The following GRM7 variants were observed in gnomAD, a reference collection of about 807,000 sequenced individuals.
GRM7 encodes the protein glutamate metabotropic receptor 7, also known as metabotropic glutamate receptor 7.
In GRM7, 35 loss-of-function variants were observed where a neutral mutation model predicts 84.5. The ratio of observed to expected loss-of-function variants is 0.41; its 90% CI spans 0.32 to 0.55. The LOEUF (loss-of-function observed/expected upper bound fraction) is 0.55. Ranked by LOEUF, GRM7 falls within the 20% of genes least tolerant of loss-of-function variation. GRM7 has a pLI of 0.19. For missense variants in GRM7, 1,003 were observed against 1,194.6 expected, an observed-to-expected ratio of 0.84 and a Z score of 2.36; for synonymous variants, 487 against 455.1, an observed-to-expected ratio of 1.07 and a Z score of -0.89.
At chr3:7,386,060 A>C (rs1694775035) in intron 4 of GRM7, among the ~76,000 whole-genome samples, 1 of 152,226 alleles carries the variant, frequency 6.6e-6, no homozygotes, top group Non-Finnish European at 1.5e-5. Flanking sequence ...TAAAGTATAA[A>C]GGAAAAAACA....
intron 8 of GRM7, among the ~76,000 whole-genome samples, chr3:7,590,810 C>G (rs1023595944): frequency 4.6e-5 from 7 of 152,140 alleles, no homozygotes; most frequent in Admixed American, 1.3e-4. Flanking sequence ...GAGCTCCACC[C>G]CAGTCATGTT....
chr3:7,159,237 A>T (rs1225189655), intron 2 of GRM7, among the ~76,000 whole-genome samples: 3 of 152,192 alleles, frequency 2.0e-5, no homozygotes, highest in African/African-American at 7.2e-5. Flanking sequence ...TTTTCCCCCT[A>T]AATTTTAAAG....
At chr3:7,344,270 G>A (rs1224701283) in intron 4 of GRM7, among the ~76,000 whole-genome samples, 1 of 152,046 alleles carries the variant, frequency 6.6e-6, no homozygotes, top group Non-Finnish European at 1.5e-5. Flanking sequence ...ACAGGACCTA[G>A]TGTGTGTTGT....
intron 1 of GRM7, among the ~76,000 whole-genome samples, chr3:7,133,313 G>A (rs966762563): frequency 1.3e-5 from 2 of 152,154 alleles, no homozygotes; most frequent in African/African-American, 4.8e-5. Context: ...ACAGACCTCC[G>A]GCCCAGTAGT....
At chr3:6,989,008 T>G (rs1160027525) in intron 1 of GRM7, among the ~76,000 whole-genome samples, 1 of 152,206 alleles carries the variant, frequency 6.6e-6, no homozygotes, top group African/African-American at 2.4e-5. Context: ...TCAAACAAAA[T>G]CAGTTTTCTT....
At chr3:7,739,495 G>A (rs1371797200) in intron 9 of GRM7, among the ~76,000 whole-genome samples, 1 of 152,132 alleles carries the variant, frequency 6.6e-6, no homozygotes, top group African/African-American at 2.4e-5. Flanking sequence ...AAGATTTAGT[G>A]AATAAAGAAT....
intron 8 of GRM7, among the ~76,000 whole-genome samples, chr3:7,606,314 A>G (rs1289906557): frequency 1.3e-5 from 2 of 152,122 alleles, no homozygotes; most frequent in Non-Finnish European, 2.9e-5. Context: ...ACCCTCTATG[A>G]AACTTCAAAG....
chr3:7,349,628 G>A lies in GRM7; in HGVS notation c.1033+42976G>A, dbSNP rs144074350. 3.2e-3 allele frequency among the ~76,000 whole-genome samples: 492 copies of A among 152,242 alleles called. 1 individual carries two copies. Among genetic ancestry groups the A allele is most frequent in the African/African-American group, 0.012 (483 of 41,550 alleles). On this transcript the variant is annotated intron_variant, in intron 4 of 9. Transcript: ENST00000357716. Reference sequence around the variant, plus strand: ...ACCATGACTGGGCGCAGCCCCTGGGGAACTTTAGATAGTACCGGGCTGGCC... The same window carrying A: ...ACCATGACTGGGCGCAGCCCCTGGGAAACTTTAGATAGTACCGGGCTGGCC...
chr3:7,057,249 A>G (rs752508372), intron 1 of GRM7, among the ~76,000 whole-genome samples: 3 of 151,858 alleles, frequency 2.0e-5, no homozygotes, highest in Non-Finnish European at 4.4e-5. Context: ...AATGTTGGAG[A>G]AGTTCATTTA....
chr3:7,516,622 G>T (rs1351292364), intron 7 of GRM7, among the ~76,000 whole-genome samples: 1 of 151,948 alleles, frequency 6.6e-6, no homozygotes. Context: ...GATCACTGAA[G>T]GTCCTTGGTG....
intron 1 of GRM7, among the ~76,000 whole-genome samples, chr3:6,931,853 G>A (rs2125045575): frequency 6.6e-6 from 1 of 152,348 alleles, no homozygotes; most frequent in South Asian, 2.1e-4. Context: ...ATGCATTCAA[G>A]TTTGGGGATT....
At chr3:7,012,151 G>A (rs549736076) in intron 1 of GRM7, among the ~76,000 whole-genome samples, 3 of 152,228 alleles carry the variant, frequency 2.0e-5, no homozygotes, top group East Asian at 1.9e-4. Flanking sequence ...AGATCAAATG[G>A]ATTGAGTGCC....
intron 7 of GRM7, among the ~76,000 whole-genome samples, chr3:7,488,362 G>T (rs558422165): frequency 1.4e-4 from 22 of 152,218 alleles, no homozygotes; most frequent in Non-Finnish European, 2.9e-4. Flanking sequence ...GATATGGTTT[G>T]TCTCCATCAA....
At chr3:7,349,475 G>T (rs749155448) in intron 4 of GRM7, among the ~76,000 whole-genome samples, 2 of 152,030 alleles carry the variant, frequency 1.3e-5, no homozygotes, top group Non-Finnish European at 2.9e-5. Flanking sequence ...CCTGAAATTC[G>T]TAGGTACTCA....
At chr3:7,286,428 T>C (rs1699433770) in intron 2 of GRM7, among the ~76,000 whole-genome samples, 1 of 152,204 alleles carries the variant, frequency 6.6e-6, no homozygotes, top group East Asian at 1.9e-4. Context: ...CTGATGCTAA[T>C]GTGAAATGCT....
chr3:7,213,483 C>G (rs1188687317), intron 2 of GRM7, among the ~76,000 whole-genome samples: 1 of 152,134 alleles, frequency 6.6e-6, no homozygotes, highest in South Asian at 2.1e-4. Context: ...TTGACTTGAT[C>G]ATAGTTACGC....
intron 2 of GRM7, among the ~76,000 whole-genome samples, chr3:7,202,923 T>A (rs577459621): frequency 3.3e-5 from 5 of 152,312 alleles, no homozygotes; most frequent in Non-Finnish European, 5.9e-5. Context: ...TTTCAAAATG[T>A]ATTCTTTCAT....
chr3:7,206,827 G>A lies in GRM7; in HGVS notation c.736+60159G>A, dbSNP rs545493769. On this transcript the variant is annotated intron_variant, in intron 2 of 9. Coordinates refer to ENST00000357716, the MANE Select transcript of GRM7 (RefSeq NM_000844.4). The stretch of plus-strand genomic sequence containing the variant: ...CTTCAGCCTTCCCTTATTATTCGAC[G>A]GGTTCTAATGGATGCTTTCTTCTGA... Among the ~76,000 whole-genome samples, 6 of 152,220 alleles carry A rather than the reference G, an allele frequency of 3.9e-5. No homozygotes were observed. The South Asian group carries it at 6.2e-4, about 16-fold the overall frequency.
chr3:7,674,340 C>T (rs1575617343), intron 8 of GRM7, among the ~76,000 whole-genome samples: 2 of 151,904 alleles, frequency 1.3e-5, no homozygotes, highest in African/African-American at 4.8e-5. Context: ...TACAGGCACC[C>T]ACCACCCCAC....
Sources: allele counts gnomAD v4.1 joint callset (sites outside exome capture counted in the v4.1 genomes callset), GRCh38; gene constraint gnomAD v4.1.1; transcripts MANE v1.5; gene names NCBI Gene and HGNC (gene_info 2026-07-23, HGNC 2026-07-21).